Variants in RALYL observed in about 807,000 individuals in gnomAD.
RALYL encodes RNA-binding Raly-like protein.
A neutral mutation model predicts 35.1 loss-of-function variants in RALYL; 29 were observed. That is an observed-to-expected ratio of 0.83 (90% CI 0.61 to 1.13). The LOEUF (loss-of-function observed/expected upper bound fraction) is 1.13. RALYL is among the 50% of genes most tolerant of loss of function. The pLI, the probability that RALYL is intolerant of heterozygous loss-of-function variation, is 0.00. For missense variants in RALYL, 359 were observed against 360.4 expected (o/e 1.00, Z 0.03); for synonymous variants, 120 against 127.6 (o/e 0.94, Z 0.40).
intron 1 of RALYL, among the ~76,000 whole-genome samples, chr8:84,488,149 G>A (rs2054853905): frequency 6.6e-6 from 1 of 151,922 alleles, no homozygotes; most frequent in Non-Finnish European, 1.5e-5. Context: ...ATATTTTCAT[G>A]GTACAAATAT....
chr8:84,679,253 T>C, intron 2 of RALYL: 1 of 208,096 alleles, frequency 4.8e-6, no homozygotes. Context: ...CCATACTTTC[T>C]AAGATTGATC....
chr8:84,909,674 A>G (rs544312267), intron 8 of RALYL, among the ~76,000 whole-genome samples: 1 of 152,160 alleles, frequency 6.6e-6, no homozygotes, highest in African/African-American at 2.4e-5. Flanking sequence ...CAAATGACTT[A>G]CCTCTCTGTG....
chr8:84,849,538 C>T (rs968246618), intron 4 of RALYL, among the ~76,000 whole-genome samples: 2 of 151,356 alleles, frequency 1.3e-5, no homozygotes, highest in African/African-American at 4.9e-5. Context: ...TCATTCATAC[C>T]TAATTAAAAG....
At chr8:84,578,947 C>G (rs1161459434) in intron 2 of RALYL, among the ~76,000 whole-genome samples, 2 of 152,188 alleles carry the variant, frequency 1.3e-5, no homozygotes, top group South Asian at 2.1e-4. Flanking sequence ...CCACGTAGAA[C>G]TGATAGCTCG....
chr8:84,570,139 G>C (rs1489084986), intron 2 of RALYL, among the ~76,000 whole-genome samples: 1 of 151,664 alleles, frequency 6.6e-6, no homozygotes, highest in Non-Finnish European at 1.5e-5. Context: ...ATTAGTAATT[G>C]GATAGGAACT....
At chr8:84,730,562 G>T (rs771343432) in intron 2 of RALYL, among the ~76,000 whole-genome samples, 14 of 152,072 alleles carry the variant, frequency 9.2e-5, no homozygotes, top group Non-Finnish European at 1.2e-4. Context: ...AGGAAATAAA[G>T]GGTATTCAAT....
At chr8:84,703,812 G>A (rs971631088) in intron 2 of RALYL, among the ~76,000 whole-genome samples, 1 of 152,094 alleles carries the variant, frequency 6.6e-6, no homozygotes, top group Non-Finnish European at 1.5e-5. Flanking sequence ...TATGGCATTG[G>A]TGTCTAAGAA....
chr8:84,342,277 A>ATATATATATATATATATATATAT lies in RALYL; in HGVS notation c.-24+157853_-24+157854insTATATATATATATATATATATAT, dbSNP rs1848942440. Among the ~76,000 whole-genome samples, 38 of 66,130 alleles carry ATATATATATATATATATATATAT rather than the reference A, an allele frequency of 5.7e-4. 6 individuals carry two copies. Among genetic ancestry groups the ATATATATATATATATATATATAT allele is most frequent in the African/African-American group, 1.1e-3 (15 of 13,340 alleles). The allele number at this position is 66,130 out of a possible 152,430, so 43.4% of individuals were successfully genotyped here. A position where few individuals can be genotyped will look rare whatever the true frequency, so the allele number is the denominator to read the frequency against. ...TGAGTGAGGGTACAGAGCATCGTTCAATATATATATATATATATAAAACTC... is the reference window on the plus strand; with the variant it reads ...TGAGTGAGGGTACAGAGCATCGTTCATATATATATATATATATATATATATATATATATATATATATAAAACTC... On this transcript the variant is annotated intron_variant, in intron 1 of 8. Transcript: ENST00000521268.
chr8:84,185,023 T>C, intron 1 of RALYL: 1 of 1,613,934 alleles, frequency 6.2e-7, no homozygotes, highest in Non-Finnish European at 8.5e-7. Context: ...CAGTAGGTCC[T>C]ACCCAGCCTA....
chr8:84,651,289 G>A (rs1828761741), intron 2 of RALYL, among the ~76,000 whole-genome samples: 2 of 151,650 alleles, frequency 1.3e-5, no homozygotes, highest in South Asian at 4.2e-4. Flanking sequence ...AATAAGGATA[G>A]CATGATATGA....
intron 2 of RALYL, among the ~76,000 whole-genome samples, chr8:84,765,574 G>T (rs1268290380): frequency 6.6e-6 from 1 of 152,002 alleles, no homozygotes; most frequent in African/African-American, 2.4e-5. Context: ...TATTTCACAG[G>T]GTTGTTCTGA....
At chr8:84,286,769 A>T (rs907191229) in intron 1 of RALYL, among the ~76,000 whole-genome samples, 1 of 152,154 alleles carries the variant, frequency 6.6e-6, no homozygotes, top group African/African-American at 2.4e-5. Flanking sequence ...GCTTTTTCTA[A>T]AACGTTGAGA....
At chr8:84,424,485 T>C (rs1221349696) in intron 1 of RALYL, among the ~76,000 whole-genome samples, 1 of 146,344 alleles carries the variant, frequency 6.8e-6, no homozygotes, top group East Asian at 2.0e-4. Flanking sequence ...CTTCTTTGCC[T>C]TCGGTTTGAA....
chr8:84,659,898 A>G (rs1197279376), intron 2 of RALYL, among the ~76,000 whole-genome samples: 2 of 152,318 alleles, frequency 1.3e-5, no homozygotes, highest in East Asian at 3.9e-4. Flanking sequence ...GAGTAGGATT[A>G]CTAATATCAT....
chr8:84,687,484 T>C (rs1487161030), intron 2 of RALYL, among the ~76,000 whole-genome samples: 1 of 152,132 alleles, frequency 6.6e-6, no homozygotes, highest in African/African-American at 2.4e-5. Flanking sequence ...TTATTCCACA[T>C]GGATGATCAA....
At chr8:84,536,970 A>C (rs967584017) in intron 2 of RALYL, among the ~76,000 whole-genome samples, 1 of 151,926 alleles carries the variant, frequency 6.6e-6, no homozygotes, top group East Asian at 1.9e-4. Context: ...TAAACGTTCA[A>C]CTCATTCCTA....
chr8:84,887,563 G>C (rs747271867), intron 7 of RALYL, 41 bp from the exon 8 acceptor site: 1 of 1,542,248 alleles, frequency 6.5e-7, no homozygotes, highest in Non-Finnish European at 8.7e-7. Flanking sequence ...TGGCTCATGA[G>C]CAACCCAAGG....
intron 8 of RALYL, among the ~76,000 whole-genome samples, chr8:84,897,174 A>G (rs1263435044): frequency 6.6e-6 from 1 of 152,174 alleles, no homozygotes; most frequent in Admixed American, 6.6e-5. Context: ...AATATAATGC[A>G]TGGACTGCAC....
intron 1 of RALYL, among the ~76,000 whole-genome samples, chr8:84,382,887 G>C (rs729336): frequency 0.38 from 57,716 of 151,338 alleles, 11,465 homozygotes; most frequent in South Asian, 0.58. Context: ...ATTTATCTTT[G>C]CCACCTTACG....
Sources: gnomAD v4.1 joint callset for allele counts (sites outside exome capture counted in the v4.1 genomes callset) on GRCh38, gnomAD v4.1.1 for gene constraint, MANE v1.5 for transcripts, NCBI Gene and HGNC (gene_info 2026-07-23, HGNC 2026-07-21) for gene names.